Variants in LSAMP observed in about 807,000 individuals in gnomAD.
The protein encoded by LSAMP is limbic system-associated membrane protein.
LSAMP carries 7 observed loss-of-function variants against 38.6 expected under a neutral mutation model. The ratio of observed to expected loss-of-function variants is 0.18; its 90% CI spans 0.10 to 0.34. LSAMP has a LOEUF of 0.34. LSAMP is among the 10% of genes least tolerant of loss of function. The pLI is 1.00. For synonymous variants in LSAMP, 154 were observed against 166.8 expected, an observed-to-expected ratio of 0.92 and a Z score of 0.59; for missense variants, 313 against 420.0, an observed-to-expected ratio of 0.75 and a Z score of 2.23.
At chr3:115,978,378 T>G (rs1939252748) in intron 3 of LSAMP, among the ~76,000 whole-genome samples, 1 of 152,068 alleles carries the variant, frequency 6.6e-6, no homozygotes, top group Non-Finnish European at 1.5e-5. Context: ...GTAAGGAAAC[T>G]CAAGGTAAAT....
intron 4 of LSAMP, among the ~76,000 whole-genome samples, chr3:115,849,303 C>T (rs780297199): frequency 5.9e-5 from 9 of 152,078 alleles, no homozygotes; most frequent in Non-Finnish European, 1.3e-4. Context: ...AAGTGCTATC[C>T]AAAAGAAGTA....
chr3:116,229,229 TA>T, intron 1 of LSAMP, among the ~76,000 whole-genome samples: 1 of 152,104 alleles, frequency 6.6e-6, no homozygotes, highest in East Asian at 1.9e-4. Context: ...TCCTTTCTCT[TA>T]CATCCTTTGA....
intron 6 of LSAMP, among the ~76,000 whole-genome samples, chr3:115,835,459 A>G (rs1374602057): frequency 1.3e-5 from 2 of 152,170 alleles, no homozygotes; most frequent in Admixed American, 1.3e-4. Flanking sequence ...GGGCTTTTTC[A>G]GAAATATAGA....
At position 116,007,663 on chromosome 3, in the gene LSAMP, A is replaced by AACAC. The variant is rs71616337; in HGVS notation, c.514+11848_514+11851dup. ...GCATATATATCAAGATATTTTTATA[A>AACAC]ACACACACACACACACACAGTCACT... On this transcript the variant is annotated intron_variant, in intron 3 of 6. Transcript: ENST00000490035. Among the ~76,000 whole-genome samples, 158 of 150,876 alleles carry AACAC rather than the reference A, an allele frequency of 1.0e-3. 3 individuals are homozygous for AACAC. In the South Asian group the frequency reaches 0.018, roughly 17 times the overall value.
chr3:115,943,527 T>G (rs1390639103), intron 3 of LSAMP, among the ~76,000 whole-genome samples: 1 of 152,218 alleles, frequency 6.6e-6, no homozygotes, highest in Non-Finnish European at 1.5e-5. Flanking sequence ...AGGGAGACCA[T>G]GAGCACATGC....
At chr3:116,236,155 T>G (rs1034864865) in intron 1 of LSAMP, among the ~76,000 whole-genome samples, 2 of 152,160 alleles carry the variant, frequency 1.3e-5, no homozygotes, top group African/African-American at 4.8e-5. Context: ...AGTGAATCCA[T>G]TTTTTTCATT....
intron 3 of LSAMP, among the ~76,000 whole-genome samples, chr3:115,861,607 A>C (rs1935704597): frequency 1.3e-5 from 2 of 152,164 alleles, no homozygotes; most frequent in Non-Finnish European, 2.9e-5. Flanking sequence ...TCAGGTATGA[A>C]GAAATGTATT....
rs921831428 is a variant in LSAMP at position 115,808,743 on chromosome 3, C to T, written c.*1574G>A. 1 of 152,184 alleles carries T rather than the reference C, an allele frequency of 6.6e-6. No homozygotes were observed. Among genetic ancestry groups the T allele is most frequent in the Non-Finnish European group, 1.5e-5 (1 of 68,032 alleles). 9.4% of individuals were successfully genotyped at this position (152,184 alleles called of 1,614,324 possible). A position where few individuals can be genotyped will look rare whatever the true frequency, so the allele number is the denominator to read the frequency against. On this transcript the variant is annotated 3_prime_UTR_variant, in exon 7 of 7. Transcript: ENST00000490035. ...GGATTATGCAGGCAACCAAATAAAA[C>T]ATTAACCTAGAACACTGGGAAAAAC...
chr3:116,306,416 T>C (rs1357196742), intron 1 of LSAMP, among the ~76,000 whole-genome samples: 5 of 152,090 alleles, frequency 3.3e-5, no homozygotes, highest in Non-Finnish European at 5.9e-5. Context: ...TGGCAACATG[T>C]AACACAATTC....
chr3:116,087,813 T>A (rs1014558057), intron 1 of LSAMP, among the ~76,000 whole-genome samples: 1 of 152,184 alleles, frequency 6.6e-6, no homozygotes, highest in African/African-American at 2.4e-5. Context: ...TAAGTCTTTT[T>A]AAATACTCCA....
intron 2 of LSAMP, among the ~76,000 whole-genome samples, chr3:116,038,941 A>G (rs1403144907): frequency 1.3e-5 from 2 of 152,226 alleles, no homozygotes; most frequent in African/African-American, 4.8e-5. Flanking sequence ...TACTTTGCAT[A>G]GCATTTACTT....
intron 1 of LSAMP, among the ~76,000 whole-genome samples, chr3:116,128,210 TGAAGAA>T (rs1709050039): frequency 6.6e-6 from 1 of 152,220 alleles, no homozygotes; most frequent in African/African-American, 2.4e-5. Context: ...ATTACATAGT[TGAAGAA>T]GAATCATATT....
chr3:116,110,667 G>A (rs1708586455), intron 1 of LSAMP, among the ~76,000 whole-genome samples: 1 of 152,172 alleles, frequency 6.6e-6, no homozygotes, highest in African/African-American at 2.4e-5. Context: ...TTTGAAATTG[G>A]TGAGATATTT....
At chr3:116,041,547 C>T (rs1285243870) in intron 2 of LSAMP, among the ~76,000 whole-genome samples, 8 of 151,338 alleles carry the variant, frequency 5.3e-5, no homozygotes, top group Non-Finnish European at 1.2e-4. Context: ...CTGCTTGTTC[C>T]TGTATTGGAC....
intron 1 of LSAMP, among the ~76,000 whole-genome samples, chr3:116,270,487 C>CAAAG (rs2046956845): frequency 6.6e-6 from 1 of 152,034 alleles, no homozygotes; most frequent in African/African-American, 2.4e-5. Flanking sequence ...TCAGTAATAC[C>CAAAG]AAAGATGGGT....
chr3:116,219,473 TAATTC>T (rs2046257448), intron 1 of LSAMP, among the ~76,000 whole-genome samples: 1 of 152,224 alleles, frequency 6.6e-6, no homozygotes, highest in South Asian at 2.1e-4. Flanking sequence ...TACATACCTA[TAATTC>T]AATTTCTGGA....
At chr3:116,390,838 C>T (rs2048684609) in intron 1 of LSAMP, among the ~76,000 whole-genome samples, 1 of 151,128 alleles carries the variant, frequency 6.6e-6, no homozygotes, top group Non-Finnish European at 1.5e-5. Context: ...AAGTGTCATT[C>T]CTTCTCAGGA....
intron 2 of LSAMP, among the ~76,000 whole-genome samples, chr3:116,027,482 A>G (rs1031361401): frequency 2.6e-5 from 4 of 152,186 alleles, no homozygotes; most frequent in African/African-American, 9.7e-5. Flanking sequence ...TGCTTTATAC[A>G]TCAGACTAGC....
At chr3:116,268,854 T>G (rs117604263) in intron 1 of LSAMP, among the ~76,000 whole-genome samples, 2 of 152,062 alleles carry the variant, frequency 1.3e-5, no homozygotes, top group African/African-American at 4.8e-5. Context: ...TCATGGAGAA[T>G]AGAAATGGAA....
Sources: gnomAD v4.1 joint callset for allele counts (sites outside exome capture counted in the v4.1 genomes callset) on GRCh38, gnomAD v4.1.1 for gene constraint, MANE v1.5 for transcripts, NCBI Gene and HGNC (gene_info 2026-07-23, HGNC 2026-07-21) for gene names.